The following ABTB3 variants were observed in gnomAD, a reference collection of about 807,000 sequenced individuals.
ABTB3 encodes ankyrin repeat and BTB domain containing 3.
At chr12:107,350,326 G>T in the ABTB3 span, among the ~76,000 whole-genome samples, 1 of 151,930 alleles carries the variant, frequency 6.6e-6, no homozygotes, top group Admixed American at 6.6e-5. Flanking sequence ...CCGAGGCGAG[G>T]GATCACGAGG....
chr12:107,524,975 G>T, the ABTB3 span, among the ~76,000 whole-genome samples: 3 of 152,182 alleles, frequency 2.0e-5, no homozygotes, highest in African/African-American at 7.2e-5. Flanking sequence ...TACAGCAAGT[G>T]CTGCGTCATG....
At chr12:107,610,312 T>TGTC in the ABTB3 span, 1 of 1,614,162 alleles carries the variant, frequency 6.2e-7, no homozygotes, top group Non-Finnish European at 8.5e-7. Context: ...AAGCAGGCAG[T>TGTC]GTCTCTGCTG....
At chr12:107,604,883 G>A in the ABTB3 span, among the ~76,000 whole-genome samples, 1 of 152,010 alleles carries the variant, frequency 6.6e-6, no homozygotes, top group African/African-American at 2.4e-5. Context: ...ACAGATGAAT[G>A]GATAAAGAAA....
At chr12:107,628,546 C>T in the ABTB3 span, among the ~76,000 whole-genome samples, 2 of 152,124 alleles carry the variant, frequency 1.3e-5, no homozygotes, top group Admixed American at 6.5e-5. Context: ...CAGCTTTTTT[C>T]ACATTTGAGC....
the ABTB3 span, among the ~76,000 whole-genome samples, chr12:107,441,511 G>T: frequency 2.0e-5 from 3 of 152,118 alleles, no homozygotes; most frequent in Admixed American, 1.3e-4. Flanking sequence ...AATGCATGCT[G>T]GGCTTAATAC....
chr12:107,551,684 C>A, the ABTB3 span, among the ~76,000 whole-genome samples: 2 of 151,914 alleles, frequency 1.3e-5, no homozygotes, highest in Non-Finnish European at 2.9e-5. Context: ...CTTTAGGGTC[C>A]AGAAAGCTGA....
At chr12:107,504,376 C>T in the ABTB3 span, among the ~76,000 whole-genome samples, 3 of 151,486 alleles carry the variant, frequency 2.0e-5, no homozygotes, top group Non-Finnish European at 2.9e-5. Context: ...CCTCCATGCC[C>T]GTAAACACAC....
the ABTB3 span, among the ~76,000 whole-genome samples, chr12:107,547,216 AAGGGGG>A: frequency 2.0e-3 from 291 of 144,950 alleles, 2 homozygotes; most frequent in Non-Finnish European, 3.3e-3. Flanking sequence ...GAAGAAGGAG[AAGGGGG>A]AGGGGGAGGG....
the ABTB3 span, among the ~76,000 whole-genome samples, chr12:107,469,150 CCG>C: frequency 5.9e-5 from 9 of 152,204 alleles, no homozygotes; most frequent in African/African-American, 2.2e-4. Context: ...TCACCCCACT[CCG>C]GCCACCAGCA....
At chr12:107,617,588 T>G in the ABTB3 span, 1 of 990,682 alleles carries the variant, frequency 1.0e-6, no homozygotes. Flanking sequence ...AGAGCGACCC[T>G]ACCTGCCAGC....
the ABTB3 span, chr12:107,520,572 G>C: frequency 1.2e-6 from 2 of 1,614,250 alleles, no homozygotes; most frequent in Admixed American, 3.3e-5. Context: ...TGTTCAGCCA[G>C]TCGGAGCTGA....
the ABTB3 span, among the ~76,000 whole-genome samples, chr12:107,450,149 G>C: frequency 6.6e-6 from 1 of 151,996 alleles, no homozygotes; most frequent in African/African-American, 2.4e-5. Flanking sequence ...GGCATTTCTT[G>C]GTGGTTACTT....
chr12:107,641,928 A>G, the ABTB3 span, among the ~76,000 whole-genome samples: 3 of 152,218 alleles, frequency 2.0e-5, no homozygotes, highest in Non-Finnish European at 4.4e-5. Flanking sequence ...TTACGGTATA[A>G]TAGGAGGGTT....
the ABTB3 span, among the ~76,000 whole-genome samples, chr12:107,533,200 A>G: frequency 6.6e-6 from 1 of 152,232 alleles, no homozygotes; most frequent in Admixed American, 6.5e-5. Flanking sequence ...GAAGAAATAT[A>G]TACAATATTA....
At chr12:107,525,548 A>T in the ABTB3 span, among the ~76,000 whole-genome samples, 4 of 152,258 alleles carry the variant, frequency 2.6e-5, no homozygotes, top group African/African-American at 9.6e-5. Flanking sequence ...GGTGTGCAGT[A>T]GGCTCTGCCC....
the ABTB3 span, among the ~76,000 whole-genome samples, chr12:107,415,824 C>G: frequency 6.6e-6 from 1 of 152,118 alleles, no homozygotes. Flanking sequence ...GAATTTGAAC[C>G]CCCAACCTAT....
At chr12:107,564,583 A>G in the ABTB3 span, among the ~76,000 whole-genome samples, 1 of 152,218 alleles carries the variant, frequency 6.6e-6, no homozygotes, top group Non-Finnish European at 1.5e-5. Context: ...ACTAGGATCA[A>G]AACCCAAAGC....
chr12:107,350,189 T>C, the ABTB3 span, among the ~76,000 whole-genome samples: 1 of 152,098 alleles, frequency 6.6e-6, no homozygotes, highest in Non-Finnish European at 1.5e-5. Context: ...ATGAAACTAA[T>C]TTAGGGGGGA....
At chr12:107,513,815 C>T in the ABTB3 span, among the ~76,000 whole-genome samples, 1 of 152,206 alleles carries the variant, frequency 6.6e-6, no homozygotes, top group Non-Finnish European at 1.5e-5. Context: ...CTGATGGCCT[C>T]TATCAGAGAC....
Sources: allele counts gnomAD v4.1 joint callset (sites outside exome capture counted in the v4.1 genomes callset), GRCh38; gene constraint gnomAD v4.1.1; transcripts MANE v1.5; gene names NCBI Gene and HGNC (gene_info 2026-07-23, HGNC 2026-07-21).